Variants in DNAH10 observed in about 807,000 individuals in gnomAD.
DNAH10 encodes the protein axonemal beta dynein heavy chain 10.
In DNAH10, 348 loss-of-function variants were observed where a neutral mutation model predicts 506.6. That is an observed-to-expected ratio of 0.69 (90% CI 0.63 to 0.75). The LOEUF (loss-of-function observed/expected upper bound fraction) is 0.75, where lower values mean the gene tolerates loss of function less well. DNAH10 is among the 30% of genes least tolerant of loss of function. The pLI, the probability that DNAH10 is intolerant of heterozygous loss-of-function variation, is 0.00. For synonymous variants in DNAH10, 2,059 were observed against 2,198.6 expected (o/e 0.94, Z 1.78); for missense variants, 5,179 against 5,787.1 (o/e 0.89, Z 3.41).
chr12:123,827,338 A>G (rs1460350127), intron 25 of DNAH10, among the ~76,000 whole-genome samples: 2 of 152,248 alleles, frequency 1.3e-5, no homozygotes, highest in Non-Finnish European at 2.9e-5. Context: ...TCAACATGTA[A>G]TCAACATGAA....
At chr12:123,856,572 T>C (rs1371627807) in intron 36 of DNAH10, among the ~76,000 whole-genome samples, 1 of 150,916 alleles carries the variant, frequency 6.6e-6, no homozygotes, top group Non-Finnish European at 1.5e-5. Flanking sequence ...CCTCAGGTTA[T>C]CCACCCACCT....
intron 36 of DNAH10, among the ~76,000 whole-genome samples, chr12:123,856,231 A>C (rs1236629003): frequency 6.8e-6 from 1 of 147,852 alleles, no homozygotes; most frequent in Admixed American, 6.8e-5. Flanking sequence ...AAATTGTAAT[A>C]TATGTATATA....
chr12:123,835,658 T>C (rs1021362512), intron 28 of DNAH10, 130 bp downstream of exon 28: 3 of 1,354,030 alleles, frequency 2.2e-6, no homozygotes, highest in Non-Finnish European at 3.0e-6. Flanking sequence ...AGGGTTTTGC[T>C]CTGTTGCCCA....
chr12:123,769,627 G>A (rs898038880), intron 2 of DNAH10, among the ~76,000 whole-genome samples: 10 of 152,144 alleles, frequency 6.6e-5, no homozygotes, highest in Non-Finnish European at 7.3e-5. Flanking sequence ...TGGGAAGGTC[G>A]GGGAAGTCCT....
At chr12:123,815,665 A>G (rs567932306) in intron 21 of DNAH10, among the ~76,000 whole-genome samples, 3 of 152,354 alleles carry the variant, frequency 2.0e-5, no homozygotes, top group African/African-American at 7.2e-5. Flanking sequence ...TAACTCCAAT[A>G]CAATAAGAGA....
chr12:123,768,427 A>G (rs1957130884), intron 2 of DNAH10, among the ~76,000 whole-genome samples: 1 of 151,596 alleles, frequency 6.6e-6, no homozygotes, highest in African/African-American at 2.4e-5. Flanking sequence ...GAGCCACCAT[A>G]CCCGGCCGTC....
In DNAH10 at chr12:123,796,843, C is replaced by G; in HGVS notation, c.2163+11C>G. The G allele has an allele frequency of 6.3e-7, 1 of 1,580,486 alleles. No homozygotes were observed. The highest frequency in any genetic ancestry group is 8.6e-7 in the Non-Finnish European group (1 of 1,165,980). On this transcript the variant is annotated intron_variant, in intron 13 of 78. Transcript: ENST00000673944. Reference sequence around the variant, plus strand: ...GATCGAGGACAGGAGGTATGTTGCTCTTGCTAGAATTGGCTCCTTTTGTAT... The same window carrying G: ...GATCGAGGACAGGAGGTATGTTGCTGTTGCTAGAATTGGCTCCTTTTGTAT...
chr12:123,833,044 G>T, intron 26 of DNAH10, 70 bp from the exon 27 acceptor site: 2 of 1,156,494 alleles, frequency 1.7e-6, no homozygotes, highest in Non-Finnish European at 2.5e-6. Flanking sequence ...GCTAAGGAAG[G>T]TGTTTTTGGG....
In DNAH10 at chr12:123,787,886, CG is replaced by C; in HGVS notation, c.1507del (p.Ala503ProfsTer3). On this transcript the variant is annotated frameshift_variant, in exon 10 of 79. Coordinates refer to ENST00000673944, the MANE Select transcript of DNAH10 (RefSeq NM_001372106.1). LOFTEE classifies it high-confidence loss of function. This position sits in a 1 kb window ranked among gnomAD's most constrained non-coding sequence, Gnocchi z 4.6. ...GTGGAAAAAGGCCTATTTTGACACC[CG>C]GGCCAAGATAGAGGCTTCGGGGAGG... ...RLWKKAYFDTRAKIEASGRED... is the reference protein window; with the variant it reads ...RLWKKAYFDTXAKIEASGRED... 1 of 1,613,596 alleles carries C rather than the reference CG, an allele frequency of 6.2e-7. No homozygotes were observed.
intron 45 of DNAH10, among the ~76,000 whole-genome samples, chr12:123,872,966 A>C (rs1952095691): frequency 6.6e-6 from 1 of 152,220 alleles, no homozygotes; most frequent in South Asian, 2.1e-4. Context: ...TCGCCAGCCT[A>C]AGCATGGCAG....
intron 30 of DNAH10, among the ~76,000 whole-genome samples, chr12:123,844,788 A>ACC (rs1224075090): frequency 1.3e-5 from 2 of 152,074 alleles, no homozygotes; most frequent in Non-Finnish European, 2.9e-5. Flanking sequence ...ACAGGCATGT[A>ACC]CCACCACATC....
At chr12:123,896,109 T>TCACACACACACACACACACA in intron 54 of DNAH10, among the ~76,000 whole-genome samples, 1 of 39,416 alleles carries the variant, frequency 2.5e-5, no homozygotes. Flanking sequence ...TGAGACTTTA[T>TCACACACACACACACACACA]CTCACACACA....
At chr12:123,930,181 CT>C in intron 72 of DNAH10, 1 of 515,636 alleles carries the variant, frequency 1.9e-6, no homozygotes, top group East Asian at 3.2e-5. Flanking sequence ...TTCCTGAGGG[CT>C]TCTTACTGCT....
chr12:123,894,987 T>G (rs1244396796), intron 54 of DNAH10, among the ~76,000 whole-genome samples: 1 of 152,270 alleles, frequency 6.6e-6, no homozygotes, highest in Non-Finnish European at 1.5e-5. Context: ...CATGGTCTGC[T>G]GTCTAGTTGG....
chr12:123,834,411 T>A (rs1960917174), intron 27 of DNAH10, among the ~76,000 whole-genome samples: 1 of 152,184 alleles, frequency 6.6e-6, no homozygotes, highest in African/African-American at 2.4e-5. Flanking sequence ...TTTCACCATG[T>A]TGGCCAGGCT....
In DNAH10 at chr12:123,762,845, C is replaced by G. The variant is rs551917783; in HGVS notation, c.214+295C>G. Among the ~76,000 whole-genome samples, 7 of 152,336 alleles carry G rather than the reference C, an allele frequency of 4.6e-5. 1 individual carries two copies. The South Asian group carries it at 1.2e-3, about 27-fold the overall frequency. ...TGCGGTTCCAACGCTTGTATCAACT[C>G]CTTAACCCTACGAGGCGGGTGTATC... On this transcript the variant is annotated intron_variant, in intron 1 of 78. Transcript: ENST00000673944. This position sits in a 1 kb window ranked among gnomAD's most constrained non-coding sequence, Gnocchi z 5.0.
At position 123,803,707 on chromosome 12, in the gene DNAH10, T is replaced by G. The variant is rs1490140616; in HGVS notation, c.2661T>G (p.Phe887Leu). 6.2e-7 allele frequency: 1 copy of G among 1,609,054 alleles called. No homozygotes were observed. Among genetic ancestry groups the G allele is most frequent in the Non-Finnish European group, 8.5e-7 (1 of 1,178,708 alleles). ...GTTGCAAACAGGCCATTGGGAAATTTGAGTCTCTCGTCCACCAGATTCATA... is the reference window on the plus strand; with the variant it reads ...GTTGCAAACAGGCCATTGGGAAATTGGAGTCTCTCGTCCACCAGATTCATA... Reference protein sequence around the residue: ...ITGCKQAIGKFESLVHQIHKN... With the variant: ...ITGCKQAIGKLESLVHQIHKN... Residue 887 changes from phenylalanine (F) to leucine (L), a missense_variant, in exon 17 of 79, where the codon TTT becomes TTG. By Grantham distance (22) the Phe-to-Leu change is conservative. Around this residue, in one of 3 missense-constraint regions of DNAH10, gnomAD observed 4,844 missense variants for 5,430.5 expected, o/e 0.89. Transcript: ENST00000673944.
Position 123,925,501 on chromosome 12 carries a change from T to C in DNAH10, c.11921+297T>C, listed in dbSNP as rs946130445. Reference sequence around the variant, plus strand: ...TTTTATTTAAATGAATATATTAAAATTATCATTTGAATGTATAATCAATAT... The same window carrying C: ...TTTTATTTAAATGAATATATTAAAACTATCATTTGAATGTATAATCAATAT... On this transcript the variant is annotated intron_variant, in intron 68 of 78. Transcript: ENST00000673944. This position sits in a 1 kb window ranked among gnomAD's most constrained non-coding sequence, Gnocchi z 4.0. 3.5e-6 allele frequency: 1 copy of C among 282,984 alleles called. No individual in the cohort carries two copies. The highest frequency in any genetic ancestry group is 1.1e-4 in the South Asian group (1 of 8,964). 17.5% of individuals were successfully genotyped at this position (282,984 alleles called of 1,614,324 possible). A position where few individuals can be genotyped will look rare whatever the true frequency, so the allele number is the denominator to read the frequency against.
intron 33 of DNAH10, 93 bp downstream of exon 33, chr12:123,848,188 A>G (rs886765510): frequency 3.3e-6 from 5 of 1,510,058 alleles, no homozygotes; most frequent in South Asian, 1.3e-5. Flanking sequence ...TGACATGGCG[A>G]CAGTGGAAGA....
Sources: allele counts gnomAD v4.1 joint callset (sites outside exome capture counted in the v4.1 genomes callset), GRCh38; gene constraint gnomAD v4.1.1; regional missense constraint gnomAD v4.1.1; non-coding constraint Gnocchi (gnomAD v3.1); transcripts MANE v1.5; gene names NCBI Gene and HGNC (gene_info 2026-07-23, HGNC 2026-07-21).